PPFIA4: variants seen among roughly 807,000 people sequenced by gnomAD.
PPFIA4 encodes the protein PPFI scaffold protein A4, also known as liprin-alpha-4.
A neutral mutation model predicts 145.7 loss-of-function variants in PPFIA4; 98 were observed. That is an observed-to-expected ratio of 0.67 (90% CI 0.57 to 0.80). PPFIA4 has a LOEUF of 0.80. Among genes scored for constraint, PPFIA4 ranks in the 30% least tolerant of loss-of-function variants. The probability of loss-of-function intolerance (pLI) is 0.00; values close to 1 mark genes in which losing one functional copy is unlikely to be tolerated. For missense variants in PPFIA4, 1,457 were observed against 1,632.7 expected, an observed-to-expected ratio of 0.89 and a Z score of 1.85; for synonymous variants, 628 against 649.6, an observed-to-expected ratio of 0.97 and a Z score of 0.51.
chr1:203,063,621 C>T lies in PPFIA4; in HGVS notation c.2875-207C>T, dbSNP rs41308379. On this transcript the variant is annotated intron_variant, in intron 24 of 29. Coordinates refer to ENST00000295706, the MANE Select transcript of PPFIA4 (RefSeq NM_001304331.2). ...ATATGTGAGTGGAACCGTATCATTTCGAGATCTTAAAAAGTTCCATTTAAA... is the reference window on the plus strand; with the variant it reads ...ATATGTGAGTGGAACCGTATCATTTTGAGATCTTAAAAAGTTCCATTTAAA... The T allele has an allele frequency of 3.9e-3, 2,132 of 546,856 alleles. 8 individuals are homozygous for T. The highest frequency in any genetic ancestry group is 5.2e-3 in the Non-Finnish European group (1,606 of 307,588). The allele number at this position is 546,856 out of a possible 1,614,324, so 33.9% of individuals were successfully genotyped here. A position where few individuals can be genotyped will look rare whatever the true frequency, so the allele number is the denominator to read the frequency against.
rs1571668889 is a variant in PPFIA4 at position 203,038,852 on chromosome 1, C to A, written c.-157C>A. 4 of 576,358 alleles carry A rather than the reference C, an allele frequency of 6.9e-6. No individual in the cohort carries two copies. In the Admixed American group the frequency reaches 1.3e-4, roughly 19 times the overall value. The allele number at this position is 576,358 out of a possible 1,614,324, so 35.7% of individuals were successfully genotyped here. A position where few individuals can be genotyped will look rare whatever the true frequency, so the allele number is the denominator to read the frequency against. On this transcript the variant is annotated 5_prime_UTR_variant, in exon 2 of 30. Transcript: ENST00000295706. Reference sequence around the variant, plus strand: ...TCCAGACCCCAGGCCCCTTTCAGAGCAAAAGCAACTGATGCTATGGGAGAA... The same window carrying A: ...TCCAGACCCCAGGCCCCTTTCAGAGAAAAAGCAACTGATGCTATGGGAGAA...
At chr1:203,032,688 T>C (rs1174212121) in intron 1 of PPFIA4, among the ~76,000 whole-genome samples, 1 of 151,336 alleles carries the variant, frequency 6.6e-6, no homozygotes, top group African/African-American at 2.4e-5. Context: ...GCTCAAGCAG[T>C]CTTTCACCTC....
Position 203,056,396 on chromosome 1 carries a change from A to G in PPFIA4, c.2128A>G (p.Asn710Asp). Residue 710 changes from asparagine (N) to aspartate (D), a missense_variant, in exon 18 of 30, where the codon AAC (asparagine) becomes GAC (aspartate). Physicochemically the swap from Asn to Asp is conservative, Grantham distance 23. Around this residue, in one of 3 missense-constraint regions of PPFIA4, gnomAD observed 848 missense variants for 1,046.7 expected, o/e 0.81. Coordinates refer to ENST00000295706, the MANE Select transcript of PPFIA4 (RefSeq NM_001304331.2). ...TCAGTCGCCAGTGTCTCGGGAAGAG[A>G]ACCGAGAGGATAAAGCCACCATAAA... ...KLLSPVSREE[N>D]REDKATIKCE... 1 of 1,613,892 alleles carries G rather than the reference A, an allele frequency of 6.2e-7. No individual in the cohort carries two copies. Among genetic ancestry groups the G allele is most frequent in the Non-Finnish European group, 8.5e-7 (1 of 1,179,842 alleles).
At position 203,056,908 on chromosome 1, in the gene PPFIA4, G is replaced by T. The variant is rs955977681; in HGVS notation, c.2365G>T (p.Gly789Cys). Residue 789 changes from glycine to cysteine, a missense_variant, in exon 19 of 30, where the codon GGC becomes TGC. Coordinates refer to ENST00000295706, the MANE Select transcript of PPFIA4 (RefSeq NM_001304331.2). ...CCGCCTGTTTGGGAAGAAGGAGAAG[G>T]GCAGGCTGATCCAGCTGAGTCGGGA... Reference protein sequence around the residue: ...IGRLFGKKEKGRLIQLSRDGA... With the variant: ...IGRLFGKKEKCRLIQLSRDGA... 1 of 1,613,974 alleles carries T rather than the reference G, an allele frequency of 6.2e-7. No homozygotes were observed. Among genetic ancestry groups the T allele is most frequent in the Non-Finnish European group, 8.5e-7 (1 of 1,179,920 alleles).
intron 12 of PPFIA4, 41 bp downstream of exon 12, chr1:203,049,021 G>A (rs766338048): frequency 1.8e-5 from 28 of 1,540,510 alleles, no homozygotes; most frequent in South Asian, 2.4e-5. Flanking sequence ...TGGGAGGGCC[G>A]GGTTGCAGGG....
chr1:203,070,955 G>T (rs1324519532), intron 27 of PPFIA4, among the ~76,000 whole-genome samples: 13 of 143,956 alleles, frequency 9.0e-5, no homozygotes, highest in East Asian at 2.0e-4. Context: ...CCACTTTTTT[G>T]TTTTTTTTTT....
intron 12 of PPFIA4, 95 bp downstream of exon 12, chr1:203,049,075 G>A: frequency 8.2e-7 from 1 of 1,213,850 alleles, no homozygotes; most frequent in Non-Finnish European, 1.2e-6. Context: ...CTGATACCTG[G>A]CAGTGTTAGT....
At position 203,046,264 on chromosome 1, in the gene PPFIA4, G is replaced by A. The variant is rs373666254; in HGVS notation, c.1022G>A (p.Arg341Gln). ...SLHRQCEEKA[R>Q]HLQELLEVAE... ...CATTGCTAGTGTGAGGAGAAGGCCC[G>A]ACACCTGCAGGAGCTGCTGGAGGTG... Residue 341 changes from arginine to glutamine, a missense_variant, in exon 9 of 30, where the codon CGA (arginine) becomes CAA (glutamine). Around this residue, in one of 3 missense-constraint regions of PPFIA4, gnomAD observed 463 missense variants for 459.8 expected, o/e 1.01. Transcript: ENST00000295706. 6.0e-5 allele frequency: 95 copies of A among 1,594,336 alleles called. 1 individual carries two copies. The highest frequency in any genetic ancestry group is 2.7e-4 in the East Asian group (12 of 43,872).
At chr1:203,049,006 C>T (rs1032519168) in intron 12 of PPFIA4, 26 bp downstream of exon 12, 3 of 1,547,090 alleles carry the variant, frequency 1.9e-6, no homozygotes, top group African/African-American at 2.7e-5. Context: ...CAGCCCCGCC[C>T]AGCCTGGGAG....
rs1324729818 is a variant in PPFIA4, at chr1:203,039,173, G to C, written c.165G>C (p.Gln55His). Residue 55 changes from glutamine (Q) to histidine (H), a missense_variant, in exon 2 of 30, where the codon CAG becomes CAC. Physicochemically the swap from Gln to His is conservative, Grantham distance 24 (BLOSUM62 0). Around this residue, in one of 3 missense-constraint regions of PPFIA4, gnomAD observed 463 missense variants for 459.8 expected, o/e 1.01. Coordinates refer to ENST00000295706, the MANE Select transcript of PPFIA4 (RefSeq NM_001304331.2). ...RESQETLAAT[Q>H]SRLQDAIHER... is the part of the protein sequence containing the mutation. ...GTCAGGAGACCTTGGCGGCCACACA[G>C]AGCCGGCTCCAGGATGCCATACACG... 3 of 1,607,522 alleles carry C rather than the reference G, an allele frequency of 1.9e-6. No homozygotes were observed. The South Asian group carries it at 3.3e-5, about 18-fold the overall frequency.
chr1:203,053,869 T>A lies in PPFIA4; in HGVS notation c.1737T>A (p.Ser579=). Residue 579 remains serine (S), a synonymous_variant, in exon 15 of 30, where the codon TCT becomes TCA. Transcript: ENST00000295706. ...DEDEPGGLVG[S]ADVVSPSGHS... is the part of the protein sequence containing the mutation. ...ATGAGCCAGGGGGTCTGGTGGGCTC[T>A]GCGGATGTTGTCTCCCCCAGCGGCC... 6.4e-7 allele frequency: 1 copy of A among 1,558,930 alleles called. No homozygotes were observed. Among genetic ancestry groups the A allele is most frequent in the Non-Finnish European group, 8.7e-7 (1 of 1,150,942 alleles).
Position 203,055,611 on chromosome 1 carries a change from C to T in PPFIA4, c.2009C>T (p.Thr670Ile), listed in dbSNP as rs1187844235. ...TCCCCACCACTCAGCGGCCGCTCCA[C>T]ACCTAAGCTCACCTCCCGCAGTGCT... The part of the protein sequence containing the change: ...SASPPLSGRS[T>I]PKLTSRSAAQ... The change falls in exon 16 of 30, where the codon ACA (threonine) becomes ATA (isoleucine). Residue 670 changes from threonine to isoleucine, a missense_variant. Physicochemically the swap from Thr to Ile is moderately conservative, Grantham distance 89. Around this residue, in one of 3 missense-constraint regions of PPFIA4, gnomAD observed 848 missense variants for 1,046.7 expected, o/e 0.81. Transcript: ENST00000295706. This position sits in a 1 kb window ranked among gnomAD's most constrained non-coding sequence, Gnocchi z 4.8. 6.2e-7 allele frequency: 1 copy of T among 1,614,046 alleles called. No homozygotes were observed. The highest frequency in any genetic ancestry group is 1.1e-5 in the South Asian group (1 of 91,082).
chr1:203,033,329 GC>G (rs1658982495), intron 1 of PPFIA4, among the ~76,000 whole-genome samples: 1 of 152,216 alleles, frequency 6.6e-6, no homozygotes. Context: ...CTTAAGTGGG[GC>G]TTTTCCAAGA....
Position 203,048,159 on chromosome 1 carries a change from A to C in PPFIA4, c.1141-68A>C. 6.7e-7 allele frequency: 1 copy of C among 1,486,200 alleles called. No individual in the cohort carries two copies. Among genetic ancestry groups the C allele is most frequent in the Non-Finnish European group, 9.3e-7 (1 of 1,073,886 alleles). The allele number at this position is 1,486,200 out of a possible 1,614,324, so 92.1% of individuals were successfully genotyped here. A position where few individuals can be genotyped will look rare whatever the true frequency, so the allele number is the denominator to read the frequency against. ...CAGGGCCACCCTGGCACCAGGGTGC[A>C]GGGGATGCGGGGCCTGAGCAGGAAG... On this transcript the variant is annotated intron_variant, in intron 9 of 29. Transcript: ENST00000295706. This position sits in a 1 kb window ranked among gnomAD's most constrained non-coding sequence, Gnocchi z 5.8.
chr1:203,048,065 G>C lies in PPFIA4; in HGVS notation c.1141-162G>C, dbSNP rs968319452. Reference sequence around the variant, plus strand: ...GAAGTACCTGGGAAGAAAGGCAATGGGGATGGTGGTCCTGCTCCAAGATGA... The same window carrying C: ...GAAGTACCTGGGAAGAAAGGCAATGCGGATGGTGGTCCTGCTCCAAGATGA... On this transcript the variant is annotated intron_variant, in intron 9 of 29. Coordinates refer to ENST00000295706, the MANE Select transcript of PPFIA4 (RefSeq NM_001304331.2). This position sits in a 1 kb window ranked among gnomAD's most constrained non-coding sequence, Gnocchi z 5.8. Among the ~76,000 whole-genome samples the C allele has an allele frequency of 2.0e-5, 3 of 152,202 alleles. No homozygotes were observed. The highest frequency in any genetic ancestry group is 2.9e-5 in the Non-Finnish European group (2 of 68,022).
intron 27 of PPFIA4, among the ~76,000 whole-genome samples, chr1:203,070,585 CAAAAA>C (rs571325182): frequency 2.6e-5 from 2 of 77,544 alleles, no homozygotes; most frequent in South Asian, 5.4e-4. Flanking sequence ...CTGTCTCCCT[CAAAAA>C]AAAAAAAAAA....
chr1:203,034,913 T>G, intron 1 of PPFIA4: 1 of 349,644 alleles, frequency 2.9e-6, no homozygotes, highest in Non-Finnish European at 5.7e-6. Context: ...ACTAGCTGTG[T>G]AGACTTGGTT....
At chr1:203,049,980 G>A (rs560436710) in intron 13 of PPFIA4, among the ~76,000 whole-genome samples, 3 of 152,216 alleles carry the variant, frequency 2.0e-5, no homozygotes, top group Admixed American at 2.0e-4. Flanking sequence ...GCTGAGAGGC[G>A]AGTCATCAGA....
At chr1:203,064,799 T>C (rs1347867083) in intron 25 of PPFIA4, among the ~76,000 whole-genome samples, 1 of 152,230 alleles carries the variant, frequency 6.6e-6, no homozygotes, top group Non-Finnish European at 1.5e-5. Flanking sequence ...CTCCAGGGCC[T>C]CCCAGCCCCC....
Sources: allele counts gnomAD v4.1 joint callset (sites outside exome capture counted in the v4.1 genomes callset), GRCh38; gene constraint gnomAD v4.1.1; regional missense constraint gnomAD v4.1.1; non-coding constraint Gnocchi (gnomAD v3.1); transcripts MANE v1.5; gene names NCBI Gene and HGNC (gene_info 2026-07-23, HGNC 2026-07-21).